The following SMOC1 variants were observed in gnomAD, a reference collection of about 807,000 sequenced individuals.
SMOC1 encodes the protein SPARC related modular calcium binding 1.
SMOC1 carries 22 observed loss-of-function variants against 56.3 expected under a neutral mutation model. That is an observed-to-expected ratio of 0.39 (90% CI 0.28 to 0.56). The LOEUF (loss-of-function observed/expected upper bound fraction) is 0.56, where lower values mean the gene tolerates loss of function less well. SMOC1 is among the 20% of genes least tolerant of loss of function. The probability of loss-of-function intolerance (pLI) is 0.61; values close to 1 mark genes in which losing one functional copy is unlikely to be tolerated. For synonymous variants in SMOC1, 193 were observed against 215.0 expected (o/e 0.90, Z 0.89); for missense variants, 509 against 565.4 (o/e 0.90, Z 1.01).
intron 3 of SMOC1, among the ~76,000 whole-genome samples, chr14:69,963,618 A>G (rs1220411647): frequency 6.6e-6 from 1 of 151,182 alleles, no homozygotes; most frequent in Non-Finnish European, 1.5e-5. Context: ...TTCTCAGCAC[A>G]TCAAGATCTG....
Position 69,911,983 on chromosome 14 carries a change from G to A in SMOC1, c.99+32206G>A, listed in dbSNP as rs568898048. 3.2e-4 allele frequency among the ~76,000 whole-genome samples: 49 copies of A among 151,964 alleles called. 1 individual carries two copies. The South Asian group carries it at 0.01, about 31-fold the overall frequency. ...GCATCCCCACCATCCATGTATGAGG[G>A]GTCTAGTTGCTCTGCATTCTAGCCA... On this transcript the variant is annotated intron_variant, in intron 1 of 11. Transcript: ENST00000361956.
intron 1 of SMOC1, among the ~76,000 whole-genome samples, chr14:69,883,031 GTATT>G (rs1566659551): frequency 6.6e-6 from 1 of 152,180 alleles, no homozygotes; most frequent in Non-Finnish European, 1.5e-5. Flanking sequence ...AGCATTGTAT[GTATT>G]TATTGTGCAC....
chr14:69,892,973 C>T (rs1391558503), intron 1 of SMOC1, among the ~76,000 whole-genome samples: 1 of 152,148 alleles, frequency 6.6e-6, no homozygotes, highest in African/African-American at 2.4e-5. Flanking sequence ...TCTCCTAAGT[C>T]TCTTTTAATC....
At chr14:69,929,455 C>T (rs188380761) in intron 1 of SMOC1, among the ~76,000 whole-genome samples, 4 of 152,310 alleles carry the variant, frequency 2.6e-5, no homozygotes, top group East Asian at 3.9e-4. Context: ...TAAGGTCATG[C>T]GGCAAGTAAG....
intron 5 of SMOC1, among the ~76,000 whole-genome samples, chr14:69,991,730 A>G (rs969012178): frequency 1.3e-5 from 2 of 152,200 alleles, no homozygotes; most frequent in Non-Finnish European, 2.9e-5. Flanking sequence ...GCAAAGTCCC[A>G]TGTCCTCTCC....
intron 5 of SMOC1, 74 bp downstream of exon 5, chr14:69,978,039 A>G: frequency 8.3e-7 from 1 of 1,205,982 alleles, no homozygotes; most frequent in Non-Finnish European, 1.2e-6. Context: ...TAGATGAGAT[A>G]GAAGGAGCCT....
intron 7 of SMOC1, among the ~76,000 whole-genome samples, chr14:70,001,142 C>G (rs1344208398): frequency 6.6e-6 from 1 of 152,112 alleles, no homozygotes; most frequent in Non-Finnish European, 1.5e-5. Flanking sequence ...CCCTGAGTCA[C>G]TGGGAAGTGC....
intron 11 of SMOC1, among the ~76,000 whole-genome samples, chr14:70,029,137 G>C (rs188008702): frequency 6.6e-6 from 1 of 152,134 alleles, no homozygotes. Context: ...GAGTGGTGGC[G>C]GGGGGCAGCT....
chr14:69,880,260 T>A (rs1883600932), intron 1 of SMOC1, among the ~76,000 whole-genome samples: 1 of 152,062 alleles, frequency 6.6e-6, no homozygotes, highest in African/African-American at 2.4e-5. Context: ...GTTGTTGTTT[T>A]AAAAAGCGAT....
At position 70,031,217 on chromosome 14, in the gene SMOC1, T is replaced by G. The variant is rs1480726049; in HGVS notation, c.*959T>G. 1.3e-5 allele frequency: 2 copies of G among 152,184 alleles called. No homozygotes were observed. The highest frequency in any genetic ancestry group is 4.8e-5 in the African/African-American group (2 of 41,404). 9.4% of individuals were successfully genotyped at this position (152,184 alleles called of 1,614,324 possible). ...CCTTTAAAAAAGTAGATATTTAATA[T>G]CTAAGCAGGGGAGGGGACAGGACAG... On this transcript the variant is annotated 3_prime_UTR_variant, in exon 12 of 12. Coordinates refer to ENST00000361956, the MANE Select transcript of SMOC1 (RefSeq NM_001034852.3).
Position 69,879,789 on chromosome 14 carries a change from C to T in SMOC1, c.99+12C>T. The T allele has an allele frequency of 6.3e-7, 1 of 1,577,642 alleles. No individual in the cohort carries two copies. Among genetic ancestry groups the T allele is most frequent in the Non-Finnish European group, 8.6e-7 (1 of 1,169,046 alleles). Reference sequence around the variant, plus strand: ...CCACAGGCCCCAGGGTAAGTGCGCCCCCAGCTTTGCGCCCACCTGCGGAGG... The same window carrying T: ...CCACAGGCCCCAGGGTAAGTGCGCCTCCAGCTTTGCGCCCACCTGCGGAGG... On this transcript the variant is annotated intron_variant, in intron 1 of 11. Coordinates refer to ENST00000361956, the MANE Select transcript of SMOC1 (RefSeq NM_001034852.3).
chr14:69,897,042 T>A (rs1365388470), intron 1 of SMOC1, among the ~76,000 whole-genome samples: 1 of 152,212 alleles, frequency 6.6e-6, no homozygotes, highest in Admixed American at 6.5e-5. Context: ...TCATGATTTC[T>A]GGGATCAGGG....
chr14:69,921,046 C>G (rs2139367290), intron 1 of SMOC1, among the ~76,000 whole-genome samples: 1 of 152,304 alleles, frequency 6.6e-6, no homozygotes, highest in East Asian at 1.9e-4. Flanking sequence ...GTTGGTCGCC[C>G]AAAGCCCATG....
intron 1 of SMOC1, among the ~76,000 whole-genome samples, chr14:69,921,177 A>C (rs1008169773): frequency 2.6e-5 from 4 of 152,166 alleles, no homozygotes; most frequent in African/African-American, 9.7e-5. Flanking sequence ...TGTGACTCAC[A>C]GCCCAGGGAG....
At chr14:69,971,235 C>G (rs1013597938) in intron 3 of SMOC1, among the ~76,000 whole-genome samples, 1 of 152,188 alleles carries the variant, frequency 6.6e-6, no homozygotes, top group Non-Finnish European at 1.5e-5. Flanking sequence ...CCAGGCTGGT[C>G]TCGAACTCCT....
At chr14:69,910,935 C>T (rs756814194) in intron 1 of SMOC1, among the ~76,000 whole-genome samples, 5 of 152,064 alleles carry the variant, frequency 3.3e-5, no homozygotes, top group East Asian at 3.9e-4. Context: ...TTTCCAAGGA[C>T]GGAGACTGTT....
rs1187353060 is a variant in SMOC1, at chr14:69,932,197, G to A, written c.100-19941G>A. Among the ~76,000 whole-genome samples the A allele has an allele frequency of 2.6e-5, 4 of 152,332 alleles. No homozygotes were observed. The East Asian group carries it at 7.7e-4, about 29-fold the overall frequency. ...TTCGCAAAACACGAGTCCACCAGCG[G>A]GGTGCTTTGTTTTGCCTGCAGATGT... is the stretch of plus-strand genomic sequence containing the variant. On this transcript the variant is annotated intron_variant, in intron 1 of 11. Transcript: ENST00000361956.
At chr14:69,885,594 T>C in intron 1 of SMOC1, 2 of 1,540,550 alleles carry the variant, frequency 1.3e-6, no homozygotes, top group Admixed American at 3.4e-5. Context: ...CCCTTGATAA[T>C]GCAGTAAGGG....
intron 1 of SMOC1, among the ~76,000 whole-genome samples, chr14:69,946,489 T>C (rs1882789198): frequency 6.6e-6 from 1 of 152,202 alleles, no homozygotes; most frequent in African/African-American, 2.4e-5. Context: ...TATTTAACAT[T>C]ATTATTTTAT....
Sources: gnomAD v4.1 joint callset for allele counts (sites outside exome capture counted in the v4.1 genomes callset) on GRCh38, gnomAD v4.1.1 for gene constraint, MANE v1.5 for transcripts, NCBI Gene and HGNC (gene_info 2026-07-23, HGNC 2026-07-21) for gene names.